Variants in GLI2 observed in about 807,000 individuals in gnomAD.
GLI2 encodes GLI family zinc finger 2, also known as transcription activator GLI2.
Under a neutral mutation model 78.9 loss-of-function variants are expected in GLI2, and 22 were observed. The observed-to-expected ratio is 0.28, with a 90% CI of 0.20 to 0.40. GLI2 has a LOEUF of 0.40. GLI2 is among the 10% of genes least tolerant of loss of function. The pLI is 1.00. For synonymous variants in GLI2, 974 were observed against 963.7 expected (o/e 1.01, Z -0.20); for missense variants, 2,097 against 2,213.2 (o/e 0.95, Z 1.05).
At chr2:120,837,108 T>A (rs1686647323) in intron 2 of GLI2, among the ~76,000 whole-genome samples, 1 of 152,168 alleles carries the variant, frequency 6.6e-6, no homozygotes, top group African/African-American at 2.4e-5. Context: ...AAAATCTTAA[T>A]CTTAGGCCGG....
At chr2:120,853,625 A>T (rs1687510042) in intron 2 of GLI2, among the ~76,000 whole-genome samples, 1 of 152,240 alleles carries the variant, frequency 6.6e-6, no homozygotes, top group Non-Finnish European at 1.5e-5. Context: ...CCAAAAGATG[A>T]CATAATCATA....
chr2:120,819,043 A>T (rs1685639495), intron 2 of GLI2, among the ~76,000 whole-genome samples: 3 of 152,126 alleles, frequency 2.0e-5, no homozygotes, highest in Non-Finnish European at 2.9e-5. Flanking sequence ...GGGGGCTTTT[A>T]TCATACACTC....
intron 2 of GLI2, among the ~76,000 whole-genome samples, chr2:120,898,034 TG>T (rs919757717): frequency 6.6e-6 from 1 of 151,920 alleles, no homozygotes. Context: ...TGATACACTG[TG>T]ATTTTCAGTG....
At chr2:120,789,311 A>G (rs189480265) in intron 1 of GLI2, among the ~76,000 whole-genome samples, 2 of 151,838 alleles carry the variant, frequency 1.3e-5, no homozygotes, top group African/African-American at 4.8e-5. Context: ...GGTGTGAGCC[A>G]CCGCGCCCAG....
chr2:120,893,905 T>TA (rs1677806053), intron 2 of GLI2, among the ~76,000 whole-genome samples: 1 of 152,122 alleles, frequency 6.6e-6, no homozygotes, highest in South Asian at 2.1e-4. Flanking sequence ...TAAACCCGAG[T>TA]AATGACCCAG....
chr2:120,911,709 C>T (rs1020215485), intron 2 of GLI2, among the ~76,000 whole-genome samples: 3 of 151,964 alleles, frequency 2.0e-5, no homozygotes, highest in South Asian at 2.1e-4. Context: ...GAGGGAGTAT[C>T]GTCTGCCTGC....
intron 2 of GLI2, among the ~76,000 whole-genome samples, chr2:120,915,336 G>A (rs191630062): frequency 6.6e-6 from 1 of 152,378 alleles, no homozygotes; most frequent in Admixed American, 6.5e-5. Flanking sequence ...CAGCCAGCTC[G>A]TGGTGTTGGA....
At chr2:120,911,675 C>T (rs745512503) in intron 2 of GLI2, among the ~76,000 whole-genome samples, 2 of 152,092 alleles carry the variant, frequency 1.3e-5, no homozygotes, top group Admixed American at 6.6e-5. Flanking sequence ...CTGGGCTGGT[C>T]GTTGACTCAG....
At chr2:120,914,053 G>A (rs1469051792) in intron 2 of GLI2, among the ~76,000 whole-genome samples, 2 of 152,250 alleles carry the variant, frequency 1.3e-5, no homozygotes, top group Non-Finnish European at 2.9e-5. Context: ...AGAATGGCAA[G>A]TGACACCTTC....
At chr2:120,807,352 A>G (rs1473774949) in intron 2 of GLI2, among the ~76,000 whole-genome samples, 2 of 152,176 alleles carry the variant, frequency 1.3e-5, no homozygotes, top group African/African-American at 2.4e-5. Flanking sequence ...AGGCTGACCA[A>G]TAATGAGACT....
chr2:120,741,925 G>A (rs1325235219), intron 1 of GLI2, among the ~76,000 whole-genome samples: 1 of 152,196 alleles, frequency 6.6e-6, no homozygotes, highest in Non-Finnish European at 1.5e-5. Context: ...CCCCACAGCC[G>A]CGCCCGGAGC....
intron 5 of GLI2, among the ~76,000 whole-genome samples, chr2:120,967,678 G>A (rs917133112): frequency 3.3e-5 from 5 of 152,258 alleles, no homozygotes; most frequent in African/African-American, 7.2e-5. Flanking sequence ...ACATGTCTGC[G>A]TGTGGGTGCA....
intron 3 of GLI2, among the ~76,000 whole-genome samples, chr2:120,937,969 C>T (rs1300447343): frequency 6.6e-6 from 1 of 152,188 alleles, no homozygotes; most frequent in Non-Finnish European, 1.5e-5. Context: ...TAACGAAGGC[C>T]GCTCCCCACA....
At chr2:120,923,669 C>T (rs1264260582) in intron 2 of GLI2, among the ~76,000 whole-genome samples, 4 of 152,010 alleles carry the variant, frequency 2.6e-5, no homozygotes, top group South Asian at 2.1e-4. Context: ...AACACACATG[C>T]GCATATAGCG....
chr2:120,928,205 G>GGGGT (rs1679784415), intron 3 of GLI2, among the ~76,000 whole-genome samples: 2 of 151,896 alleles, frequency 1.3e-5, no homozygotes, highest in Non-Finnish European at 2.9e-5. Context: ...AGGTCAGCCA[G>GGGGT]CCCCAAGACC....
chr2:120,892,544 T>C (rs1006442483), intron 2 of GLI2, among the ~76,000 whole-genome samples: 8 of 152,362 alleles, frequency 5.3e-5, no homozygotes, highest in Middle Eastern at 3.4e-3. Context: ...GCTCTGCCTC[T>C]CCTGCCGCCA....
In GLI2 at chr2:120,885,188, C is replaced by T. The variant is rs78820480; in HGVS notation, c.149-42173C>T. Among the ~76,000 whole-genome samples, 280 of 152,322 alleles carry T rather than the reference C, an allele frequency of 1.8e-3. 3 individuals carry two copies. Among genetic ancestry groups the T allele is most frequent in the East Asian group, 4.2e-3 (22 of 5,182 alleles). ...TCTCCCTTCTGCACATCATGCAGAC[C>T]GGGTCCTAGAGGGTGAACCTTTCTC... is the stretch of plus-strand genomic sequence containing the variant. On this transcript the variant is annotated intron_variant, in intron 2 of 13. Coordinates refer to ENST00000361492, the MANE Select transcript of GLI2 (RefSeq NM_001374353.1).
intron 2 of GLI2, among the ~76,000 whole-genome samples, chr2:120,832,364 G>T (rs1686405331): frequency 6.6e-6 from 1 of 152,180 alleles, no homozygotes; most frequent in African/African-American, 2.4e-5. Flanking sequence ...GCTAGGAAGG[G>T]TTGCAGAGGC....
intron 3 of GLI2, among the ~76,000 whole-genome samples, chr2:120,943,766 C>T (rs998152685): frequency 2.0e-5 from 3 of 152,196 alleles, no homozygotes; most frequent in African/African-American, 7.2e-5. Context: ...CTGACTCCAA[C>T]CCCCGAGTGG....
Sources: allele counts gnomAD v4.1 joint callset (sites outside exome capture counted in the v4.1 genomes callset), GRCh38; gene constraint gnomAD v4.1.1; transcripts MANE v1.5; gene names NCBI Gene and HGNC (gene_info 2026-07-23, HGNC 2026-07-21).